Variants in STK32C observed in about 807,000 individuals in gnomAD.
STK32C encodes serine/threonine kinase 32C.
Under a neutral mutation model 56.5 loss-of-function variants are expected in STK32C, and 31 were observed. That is an observed-to-expected ratio of 0.55 (90% CI 0.41 to 0.74). The LOEUF (loss-of-function observed/expected upper bound fraction) is 0.74. Among genes scored for constraint, STK32C ranks in the 30% least tolerant of loss-of-function variants. STK32C has a pLI of 0.00. For synonymous variants in STK32C, 309 were observed against 289.4 expected, an observed-to-expected ratio of 1.07 and a Z score of -0.69; for missense variants, 544 against 676.9, an observed-to-expected ratio of 0.80 and a Z score of 2.18.
chr10:132,293,849 G>A (rs1282005816), intron 1 of STK32C, among the ~76,000 whole-genome samples: 1 of 152,214 alleles, frequency 6.6e-6, no homozygotes, highest in African/African-American at 2.4e-5. Context: ...CTGGGGCAGA[G>A]CCTGCTCCGG....
At chr10:132,225,155 C>G in intron 7 of STK32C, 78 bp downstream of exon 7, 1 of 1,233,572 alleles carries the variant, frequency 8.1e-7, no homozygotes, top group Non-Finnish European at 1.1e-6. Flanking sequence ...ACTGGGGCAG[C>G]CACCCCCTCC....
chr10:132,244,179 G>A (rs1291232674), intron 2 of STK32C, among the ~76,000 whole-genome samples: 1 of 152,070 alleles, frequency 6.6e-6, no homozygotes, highest in African/African-American at 2.4e-5. Context: ...AACAAGCGCC[G>A]CACAGAACCC....
At chr10:132,249,024 G>A (rs1469943669) in intron 1 of STK32C, 1 of 470,076 alleles carries the variant, frequency 2.1e-6, no homozygotes, top group Non-Finnish European at 4.3e-6. Context: ...CCTGCGCCCT[G>A]CACACCTGCA....
At chr10:132,247,108 C>G (rs953169642) in intron 1 of STK32C, among the ~76,000 whole-genome samples, 5 of 152,210 alleles carry the variant, frequency 3.3e-5, no homozygotes, top group Non-Finnish European at 4.4e-5. Context: ...ACAGCCAAGG[C>G]CAGAGGCAGA....
At chr10:132,311,955 C>T (rs1309026488), upstream of STK32C, among the ~76,000 whole-genome samples, 1 of 152,214 alleles carries the variant, frequency 6.6e-6, no homozygotes, top group Non-Finnish European at 1.5e-5. This position sits in a 1 kb window ranked among gnomAD's most constrained non-coding sequence, Gnocchi z 4.4. Context: ...TCACCACACC[C>T]TACAGCCCCA....
upstream of STK32C, among the ~76,000 whole-genome samples, chr10:132,311,744 T>C (rs2066226757): frequency 1.3e-5 from 2 of 152,280 alleles, no homozygotes; most frequent in South Asian, 4.1e-4. This position sits in a 1 kb window ranked among gnomAD's most constrained non-coding sequence, Gnocchi z 4.4. Context: ...ACTCCGCCCT[T>C]TTCTTCCTCT....
chr10:132,318,293 A>G (rs116217974), intron 1 of STK32C, among the ~76,000 whole-genome samples: 16,663 of 150,802 alleles, frequency 0.11, 1,419 homozygotes, highest in African/African-American at 0.24. Flanking sequence ...GAGAGAGAGA[A>G]AGAAAACAAT....
chr10:132,285,808 G>A lies in STK32C; in HGVS notation c.262+21764C>T, dbSNP rs78401573. Among the ~76,000 whole-genome samples the A allele has an allele frequency of 9.8e-3, 1,495 of 152,266 alleles. 24 individuals are homozygous for A. The highest frequency in any genetic ancestry group is 0.034 in the African/African-American group (1,400 of 41,548). On this transcript the variant is annotated intron_variant, in intron 1 of 11. Coordinates refer to ENST00000298630, the MANE Select transcript of STK32C (RefSeq NM_173575.4). ...ACACTAATGTGAGGAATAAAAGGGC[G>A]GAATCACTACAGACATTAAAAGGAA...
chr10:132,274,036 C>A (rs2064921108), intron 1 of STK32C, among the ~76,000 whole-genome samples: 1 of 152,216 alleles, frequency 6.6e-6, no homozygotes, highest in South Asian at 2.1e-4. Flanking sequence ...GTGGGAGGTG[C>A]ACATCGACTT....
chr10:132,324,829 G>T (rs1217278735), intron 1 of STK32C, among the ~76,000 whole-genome samples: 1 of 152,192 alleles, frequency 6.6e-6, no homozygotes, highest in Non-Finnish European at 1.5e-5. Context: ...CAATGCCTGT[G>T]AGGTATACAT....
Position 132,267,035 on chromosome 10 carries a change from C to T in STK32C, c.263-21080G>A, listed in dbSNP as rs78604365. On this transcript the variant is annotated intron_variant, in intron 1 of 11. Coordinates refer to ENST00000298630, the MANE Select transcript of STK32C (RefSeq NM_173575.4). ...CTGAGCGGGCAGCCCCCGCCCACCCCGCTGCAGTGGGGAGACCCAAAGCTG... is the reference window on the plus strand; with the variant it reads ...CTGAGCGGGCAGCCCCCGCCCACCCTGCTGCAGTGGGGAGACCCAAAGCTG... Among the ~76,000 whole-genome samples, 261 of 152,282 alleles carry T rather than the reference C, an allele frequency of 1.7e-3. 1 individual carries two copies. The highest frequency in any genetic ancestry group is 5.9e-3 in the African/African-American group (247 of 41,566).
At chr10:132,258,040 G>A (rs2138044699) in intron 1 of STK32C, among the ~76,000 whole-genome samples, 1 of 152,336 alleles carries the variant, frequency 6.6e-6, no homozygotes, top group African/African-American at 2.4e-5. Context: ...TGCCCTCACT[G>A]TCCCTGTCCT....
At chr10:132,300,893 A>C (rs1367282517) in intron 1 of STK32C, among the ~76,000 whole-genome samples, 1 of 152,192 alleles carries the variant, frequency 6.6e-6, no homozygotes, top group African/African-American at 2.4e-5. Context: ...TGGTTCACAG[A>C]GCTTTATTTT....
At chr10:132,220,389 G>C (rs1273913463) in intron 10 of STK32C, among the ~76,000 whole-genome samples, 1 of 152,210 alleles carries the variant, frequency 6.6e-6, no homozygotes, top group South Asian at 2.1e-4. Context: ...TTGGACTCAG[G>C]CCTCCAAGCC....
At chr10:132,230,021 G>T (rs1357337192) in intron 2 of STK32C, among the ~76,000 whole-genome samples, 1 of 152,208 alleles carries the variant, frequency 6.6e-6, no homozygotes, top group Non-Finnish European at 1.5e-5. Context: ...TGTGTTGGGG[G>T]CTGCCCAGAG....
intron 2 of STK32C, among the ~76,000 whole-genome samples, chr10:132,243,730 G>A: frequency 6.6e-6 from 1 of 152,216 alleles, no homozygotes; most frequent in South Asian, 2.1e-4. Context: ...GGCCCCGAGG[G>A]TGGAGCCATG....
At chr10:132,311,313 C>G (rs1262241741), upstream of STK32C, among the ~76,000 whole-genome samples, 1 of 152,190 alleles carries the variant, frequency 6.6e-6, no homozygotes, top group African/African-American at 2.4e-5. The surrounding 1 kb of genome is among the most constrained non-coding windows in gnomAD (Gnocchi z 4.4). Context: ...CAGAACTGAC[C>G]CCCAAAACAG....
At chr10:132,223,436 A>C (rs2062756446) in intron 8 of STK32C, among the ~76,000 whole-genome samples, 1 of 152,210 alleles carries the variant, frequency 6.6e-6, no homozygotes. Context: ...GCAACATCCC[A>C]GCGCTGGCAC....
chr10:132,286,276 A>G (rs570742104), intron 1 of STK32C, among the ~76,000 whole-genome samples: 72 of 152,372 alleles, frequency 4.7e-4, no homozygotes, highest in Admixed American at 4.5e-3. Flanking sequence ...TCCTAAAGAA[A>G]TTGAGCTCAT....
Sources: gnomAD v4.1 joint callset for allele counts (sites outside exome capture counted in the v4.1 genomes callset) on GRCh38, gnomAD v4.1.1 for gene constraint, Gnocchi (gnomAD v3.1) non-coding constraint, MANE v1.5 for transcripts, NCBI Gene and HGNC (gene_info 2026-07-23, HGNC 2026-07-21) for gene names.